MYBL1: variants seen among roughly 807,000 people sequenced by gnomAD.
The protein encoded by MYBL1 is MYB proto-oncogene like 1.
A neutral mutation model predicts 96.3 loss-of-function variants in MYBL1; 17 were observed. That is an observed-to-expected ratio of 0.18 (90% CI 0.12 to 0.26). The LOEUF (loss-of-function observed/expected upper bound fraction) is 0.26. Among genes scored for constraint, MYBL1 ranks in the 10% least tolerant of loss-of-function variants. The pLI is 1.00. For missense variants in MYBL1, 701 were observed against 882.9 expected (o/e 0.79, Z 2.61); for synonymous variants, 282 against 292.7 (o/e 0.96, Z 0.37).
intron 11 of MYBL1, 25 bp from the exon 12 acceptor site, chr8:66,572,621 G>T: frequency 1.7e-6 from 2 of 1,181,568 alleles, no homozygotes; most frequent in Non-Finnish European, 1.2e-6. Flanking sequence ...AGATATTTAT[G>T]TTATAGTCAC....
chr8:66,580,225 G>A lies in MYBL1; in HGVS notation c.1009C>T (p.Pro337Ser), dbSNP rs1487347945. The A allele has an allele frequency of 6.2e-7, 1 of 1,613,802 alleles. No individual in the cohort carries two copies. The highest frequency in any genetic ancestry group is 8.5e-7 in the Non-Finnish European group (1 of 1,179,866). Residue 337 changes from proline to serine, a missense_variant, in exon 9 of 16, where the codon CCC (proline) becomes TCC (serine). Physicochemically the swap from Pro to Ser is moderately conservative, Grantham distance 74. Around this residue, in one of 5 missense-constraint regions of MYBL1, gnomAD observed 396 missense variants for 407.4 expected, o/e 0.97. Coordinates refer to ENST00000522677, the MANE Select transcript of MYBL1 (RefSeq NM_001080416.4). ...NQPVSAQQNS[P>S]TKFLAVEANA... ...GCCTCCACGGCCAGGAACTTTGTGG[G>A]TGAATTCTGCTGAGCAGACACAGGC... is the stretch of plus-strand genomic sequence containing the variant.
At chr8:66,601,150 C>G (rs1810053626) in intron 3 of MYBL1, among the ~76,000 whole-genome samples, 1 of 120,188 alleles carries the variant, frequency 8.3e-6, no homozygotes, top group South Asian at 2.5e-4. Context: ...GCCCTCCAGA[C>G]TGGGCAACAA....
chr8:66,601,350 C>T (rs1452925661), intron 3 of MYBL1, among the ~76,000 whole-genome samples: 1 of 151,848 alleles, frequency 6.6e-6, no homozygotes, highest in Non-Finnish European at 1.5e-5. Context: ...TTTAATAGGG[C>T]TTTTCTGGAT....
At chr8:66,603,616 G>A (rs541567551) in intron 1 of MYBL1, among the ~76,000 whole-genome samples, 56 of 151,874 alleles carry the variant, frequency 3.7e-4, no homozygotes, top group African/African-American at 1.3e-3. Context: ...TCAGTCTCCC[G>A]AGTAGCTGGG....
chr8:66,581,426 C>G (rs1214413759), intron 8 of MYBL1, among the ~76,000 whole-genome samples: 1 of 152,076 alleles, frequency 6.6e-6, no homozygotes, highest in African/African-American at 2.4e-5. Flanking sequence ...CACATAGTCC[C>G]AGCACTTTGG....
chr8:66,593,567 A>G (rs1047623129), intron 6 of MYBL1, among the ~76,000 whole-genome samples: 1 of 152,216 alleles, frequency 6.6e-6, no homozygotes, highest in Non-Finnish European at 1.5e-5. Flanking sequence ...CTATGTGTCC[A>G]TATGAATGAA....
intron 12 of MYBL1, among the ~76,000 whole-genome samples, chr8:66,568,808 C>T (rs540821926): frequency 5.9e-4 from 90 of 151,762 alleles, no homozygotes; most frequent in African/African-American, 2.0e-3. Context: ...GGGCAGATCA[C>T]GAGGTCAGGA....
In MYBL1 at chr8:66,612,334, CACA is replaced by C. The variant is rs1810562477; in HGVS notation, c.20+482_20+484del. On this transcript the variant is annotated intron_variant, in intron 1 of 15. Transcript: ENST00000522677. ...CTCAGCTATTCCCCAGAGGATTTTC[CACA>C]ACGTTTCAAGATAGCCAAGTTGGCA... 4 of 160,326 alleles carry C rather than the reference CACA, an allele frequency of 2.5e-5. No individual in the cohort carries two copies. The South Asian group carries it at 6.1e-4, about 25-fold the overall frequency. 9.9% of individuals were successfully genotyped at this position (160,326 alleles called of 1,614,324 possible). A position where few individuals can be genotyped will look rare whatever the true frequency, so the allele number is the denominator to read the frequency against.
At chr8:66,576,474 C>T (rs756170111) in intron 9 of MYBL1, 99 bp from the exon 10 acceptor site, 74 of 1,347,452 alleles carry the variant, frequency 5.5e-5, no homozygotes, top group Non-Finnish European at 6.9e-5. Context: ...ATTAACAACT[C>T]ATTTTATCAG....
Position 66,562,908 on chromosome 8 carries a change from A to G in MYBL1, c.*1789T>C, listed in dbSNP as rs1019768844. ...CCATACATTTTCTTCACTTCTCACT[A>G]TATATATATATAAATATATATATAT... On this transcript the variant is annotated 3_prime_UTR_variant, in exon 16 of 16. Coordinates refer to ENST00000522677, the MANE Select transcript of MYBL1 (RefSeq NM_001080416.4). 13 of 147,850 alleles carry G rather than the reference A, an allele frequency of 8.8e-5. No individual in the cohort carries two copies. The highest frequency in any genetic ancestry group is 2.9e-4 in the African/African-American group (12 of 40,772). The allele number at this position is 147,850 out of a possible 1,614,324, so 9.2% of individuals were successfully genotyped here.
intron 1 of MYBL1, 48 bp from the exon 2 acceptor site, chr8:66,602,571 G>T (rs1810120411): frequency 7.2e-7 from 1 of 1,380,730 alleles, no homozygotes; most frequent in Non-Finnish European, 1.0e-6. Context: ...ATTTAAATTT[G>T]TAAATTCAAA....
intron 14 of MYBL1, among the ~76,000 whole-genome samples, chr8:66,566,447 A>G (rs1358718266): frequency 6.6e-6 from 1 of 152,098 alleles, no homozygotes; most frequent in African/African-American, 2.4e-5. Context: ...GAGAACTACG[A>G]TTTTTTGACA....
intron 8 of MYBL1, among the ~76,000 whole-genome samples, chr8:66,585,007 C>T (rs988625367): frequency 1.3e-5 from 2 of 152,000 alleles, no homozygotes; most frequent in Non-Finnish European, 2.9e-5. Flanking sequence ...AAAATACCAA[C>T]GACATTCTCC....
At chr8:66,606,334 A>G (rs889833018) in intron 1 of MYBL1, among the ~76,000 whole-genome samples, 2 of 152,216 alleles carry the variant, frequency 1.3e-5, no homozygotes, top group African/African-American at 2.4e-5. Flanking sequence ...AGGTGCCTCA[A>G]TATTAGTATT....
At position 66,613,084 on chromosome 8, in the gene MYBL1, C is replaced by T. The variant is rs989276880; in HGVS notation, c.-246G>A. On this transcript the variant is annotated 5_prime_UTR_variant, in exon 1 of 16. Transcript: ENST00000522677. ...CGGCCCGGCCCGGCCAGGGATACCC[C>T]CAACATGTCAGGAGGCGCGATCCCG... is the stretch of plus-strand genomic sequence containing the variant. 2 of 410,444 alleles carry T rather than the reference C, an allele frequency of 4.9e-6. No individual in the cohort carries two copies. The highest frequency in any genetic ancestry group is 3.2e-4 in the Middle Eastern group (1 of 3,138). The allele number at this position is 410,444 out of a possible 1,614,324, so 25.4% of individuals were successfully genotyped here. A position where few individuals can be genotyped will look rare whatever the true frequency, so the allele number is the denominator to read the frequency against.
At chr8:66,606,572 C>T (rs1810319158) in intron 1 of MYBL1, among the ~76,000 whole-genome samples, 1 of 152,190 alleles carries the variant, frequency 6.6e-6, no homozygotes, top group African/African-American at 2.4e-5. Flanking sequence ...TATATACTGT[C>T]TATAGATCCT....
At chr8:66,594,849 T>C (rs912066449) in intron 6 of MYBL1, among the ~76,000 whole-genome samples, 10 of 152,226 alleles carry the variant, frequency 6.6e-5, no homozygotes, top group Non-Finnish European at 1.2e-4. Context: ...TTTAATATCT[T>C]GCCCAATTTT....
At chr8:66,570,877 T>A (rs902197614) in intron 12 of MYBL1, among the ~76,000 whole-genome samples, 3 of 152,088 alleles carry the variant, frequency 2.0e-5, no homozygotes, top group Non-Finnish European at 4.4e-5. Flanking sequence ...TACGCATAAA[T>A]AAAAACTCTA....
chr8:66,594,380 T>G (rs1170166811), intron 6 of MYBL1, among the ~76,000 whole-genome samples: 1 of 152,142 alleles, frequency 6.6e-6, no homozygotes, highest in African/African-American at 2.4e-5. Context: ...ACCCATCTAT[T>G]CTTTTATCAA....
Sources: gnomAD v4.1 joint callset for allele counts (sites outside exome capture counted in the v4.1 genomes callset) on GRCh38, gnomAD v4.1.1 for gene constraint, gnomAD v4.1.1 regional missense constraint, MANE v1.5 for transcripts, NCBI Gene and HGNC (gene_info 2026-07-23, HGNC 2026-07-21) for gene names.